SLA2: variants seen among roughly 807,000 people sequenced by gnomAD.
SLA2 encodes src-like-adapter 2.
A neutral mutation model predicts 27.3 loss-of-function variants in SLA2; 22 were observed. That is an observed-to-expected ratio of 0.81 (90% CI 0.58 to 1.15). The LOEUF (loss-of-function observed/expected upper bound fraction) is 1.15, where lower values mean the gene tolerates loss of function less well. Ranked by LOEUF, SLA2 falls within the 50% of genes most tolerant of loss-of-function variation. The pLI is 0.00. For synonymous variants in SLA2, 131 were observed against 137.8 expected, an observed-to-expected ratio of 0.95 and a Z score of 0.34; for missense variants, 304 against 322.2, an observed-to-expected ratio of 0.94 and a Z score of 0.43.
In SLA2 at chr20:36,613,641, G is replaced by A; in HGVS notation, c.*225C>T. 2.1e-6 allele frequency: 1 copy of A among 483,330 alleles called. No homozygotes were observed. Among genetic ancestry groups the A allele is most frequent in the Non-Finnish European group, 3.6e-6 (1 of 275,782 alleles). The allele number at this position is 483,330 out of a possible 1,614,324, so 29.9% of individuals were successfully genotyped here. A position where few individuals can be genotyped will look rare whatever the true frequency, so the allele number is the denominator to read the frequency against. On this transcript the variant is annotated 3_prime_UTR_variant, in exon 8 of 8. Coordinates refer to ENST00000262866, the MANE Select transcript of SLA2 (RefSeq NM_032214.4). ...CCCTGGCCCTGGTCCCACCTTCTCT[G>A]CACTCGCACTAGAGGTCGCAGGTGG...
chr20:36,614,066 T>TCACTACACA, intron 7 of SLA2, 80 bp from the exon 8 acceptor site: 1 of 1,573,172 alleles, frequency 6.4e-7, no homozygotes. Flanking sequence ...TGCACTGTTC[T>TCACTACACA]CAAAACCCTT....
rs764740944 is a variant in SLA2, at chr20:36,641,307, G to C, written c.29C>G (p.Ser10Cys). 14 of 1,614,086 alleles carry C rather than the reference G, an allele frequency of 8.7e-6. No homozygotes were observed. Among genetic ancestry groups the C allele is most frequent in the Non-Finnish European group, 1.1e-5 (13 of 1,179,962 alleles). ...GGAACTCAAGCTTGGGCTTGGCAGA[G>C]ATTTTCTTCTGCTGGGCAGACTTCC... MGSLPSRRKSLPSPSLSSSV... is the reference protein window; with the variant it reads MGSLPSRRKCLPSPSLSSSV... The change falls in exon 2 of 8, where the codon TCT (serine) becomes TGT (cysteine). Residue 10 changes from serine to cysteine, a missense_variant. By Grantham distance (112) the Ser-to-Cys change is moderately radical. Coordinates refer to ENST00000262866, the MANE Select transcript of SLA2 (RefSeq NM_032214.4).
intron 5 of SLA2, among the ~76,000 whole-genome samples, chr20:36,616,316 T>A (rs568635933): frequency 1.3e-5 from 2 of 152,054 alleles, no homozygotes; most frequent in Admixed American, 6.6e-5. Flanking sequence ...TCATTTTTTT[T>A]TTTTATTTTA....
At chr20:36,643,039 T>C (rs1978284960) in intron 1 of SLA2, among the ~76,000 whole-genome samples, 1 of 152,136 alleles carries the variant, frequency 6.6e-6, no homozygotes, top group Non-Finnish European at 1.5e-5. Context: ...CATCATTCAT[T>C]TGAGAGTTTA....
At chr20:36,644,742 A>G (rs1031869199) in intron 1 of SLA2, among the ~76,000 whole-genome samples, 3 of 152,124 alleles carry the variant, frequency 2.0e-5, no homozygotes, top group Non-Finnish European at 4.4e-5. Context: ...GCATCAAATC[A>G]TTAACTCTAC....
intron 4 of SLA2, among the ~76,000 whole-genome samples, chr20:36,632,987 C>G (rs558154064): frequency 1.3e-5 from 2 of 152,262 alleles, no homozygotes; most frequent in Admixed American, 1.3e-4. Context: ...CCCAGCCTCT[C>G]TGCTATCCCT....
At chr20:36,644,222 C>T (rs934935561) in intron 1 of SLA2, among the ~76,000 whole-genome samples, 3 of 152,008 alleles carry the variant, frequency 2.0e-5, no homozygotes, top group Non-Finnish European at 4.4e-5. Flanking sequence ...TGGGCTTAAG[C>T]GATCCTCCTG....
chr20:36,639,792 C>A (rs975843636), intron 2 of SLA2, among the ~76,000 whole-genome samples: 6 of 151,042 alleles, frequency 4.0e-5, no homozygotes, highest in Admixed American at 6.6e-5. Context: ...ACGCAGCAGG[C>A]GGAGCTTGCA....
At chr20:36,621,445 GTGT>G (rs2039281377) in intron 5 of SLA2, 9 of 491,122 alleles carry the variant, frequency 1.8e-5, no homozygotes, top group Middle Eastern at 3.3e-4. Flanking sequence ...AAAGGCTATA[GTGT>G]TGTTTTTTTT....
At chr20:36,621,177 C>G in intron 5 of SLA2, 1 of 458,738 alleles carries the variant, frequency 2.2e-6, no homozygotes. Flanking sequence ...GATATGAAAA[C>G]CAAGGTGGTG....
Position 36,613,032 on chromosome 20 carries a change from A to G in SLA2, c.*834T>C, listed in dbSNP as rs1003471316. ...CAGGAGTTCGACACCAGCCTGGCCA[A>G]TGTGGTGAAACCCCATGTCTACTAA... On this transcript the variant is annotated 3_prime_UTR_variant, in exon 8 of 8. Transcript: ENST00000262866. The G allele has an allele frequency of 6.6e-6, 1 of 152,364 alleles. No individual in the cohort carries two copies. The highest frequency in any genetic ancestry group is 2.4e-5 in the African/African-American group (1 of 41,466). The allele number at this position is 152,364 out of a possible 1,614,324, so 9.4% of individuals were successfully genotyped here. A position where few individuals can be genotyped will look rare whatever the true frequency, so the allele number is the denominator to read the frequency against.
chr20:36,626,786 G>A (rs1308468779), intron 5 of SLA2, among the ~76,000 whole-genome samples: 1 of 150,422 alleles, frequency 6.6e-6, no homozygotes, highest in Non-Finnish European at 1.5e-5. Context: ...AGAGCTTGCA[G>A]TGAGCCGAGA....
chr20:36,636,304 C>T (rs1360591062), intron 2 of SLA2, among the ~76,000 whole-genome samples: 2 of 150,452 alleles, frequency 1.3e-5, no homozygotes, highest in Non-Finnish European at 2.9e-5. Context: ...GCCTGTAGTC[C>T]CAGCTACTCG....
chr20:36,620,703 G>A (rs891074570), intron 5 of SLA2, among the ~76,000 whole-genome samples: 6 of 151,626 alleles, frequency 4.0e-5, no homozygotes, highest in Non-Finnish European at 8.8e-5. Flanking sequence ...CTGAGTAGCT[G>A]GGATTACAGG....
rs2039171137 is a variant in SLA2, at chr20:36,613,851, G to C, written c.*15C>G. 6.5e-7 allele frequency: 1 copy of C among 1,535,076 alleles called. No homozygotes were observed. The highest frequency in any genetic ancestry group is 8.8e-7 in the Non-Finnish European group (1 of 1,130,708). On this transcript the variant is annotated 3_prime_UTR_variant, in exon 8 of 8. Transcript: ENST00000262866. ...GTGTGCAGCCTTGGTTTCCCTTTTG[G>C]CCTCTCCTTTGGGCCTAGGCATCAT... is the stretch of plus-strand genomic sequence containing the variant.
chr20:36,634,526 G>A lies in SLA2; in HGVS notation c.155C>T (p.Ser52Leu), dbSNP rs778993469. 23 of 1,611,316 alleles carry A rather than the reference G, an allele frequency of 1.4e-5. No homozygotes were observed. The highest frequency in any genetic ancestry group is 1.2e-4 in the South Asian group (11 of 90,548). Reference protein sequence around the residue: ...SFPAGGPAELSLRLGEPLTIV... With the variant: ...SFPAGGPAELLLRLGEPLTIV... The stretch of plus-strand genomic sequence containing the variant: ...GGTCAATGGCTCCCCGAGTCTCAGC[G>A]ACAGCTCGGCCGGGCCACCTGCCGG... The change falls in exon 3 of 8, where the codon TCG (serine) becomes TTG (leucine). Residue 52 changes from serine to leucine, a missense_variant. Ser to Leu is a moderately radical substitution (Grantham distance 145, BLOSUM62 -2). Coordinates refer to ENST00000262866, the MANE Select transcript of SLA2 (RefSeq NM_032214.4).
chr20:36,618,968 G>A (rs2039247334), intron 5 of SLA2, among the ~76,000 whole-genome samples: 1 of 147,058 alleles, frequency 6.8e-6, no homozygotes, highest in Non-Finnish European at 1.5e-5. Context: ...GCTCACGCCT[G>A]TAATCCCAAC....
chr20:36,643,287 G>A (rs1278654492), intron 1 of SLA2, among the ~76,000 whole-genome samples: 4 of 152,140 alleles, frequency 2.6e-5, no homozygotes, highest in Non-Finnish European at 2.9e-5. Context: ...AGTGGGAGGC[G>A]GAGCTTTGTC....
intron 5 of SLA2, among the ~76,000 whole-genome samples, chr20:36,621,875 G>A (rs1166449352): frequency 6.6e-6 from 1 of 151,806 alleles, no homozygotes; most frequent in Non-Finnish European, 1.5e-5. Context: ...AATTAACCAG[G>A]CATGGTGGTA....
Sources: gnomAD v4.1 joint callset for allele counts (sites outside exome capture counted in the v4.1 genomes callset) on GRCh38, gnomAD v4.1.1 for gene constraint, MANE v1.5 for transcripts, NCBI Gene and HGNC (gene_info 2026-07-23, HGNC 2026-07-21) for gene names.